The following YAP1 variants were observed in gnomAD, a reference collection of about 807,000 sequenced individuals.
YAP1 encodes the protein transcriptional coactivator YAP1.
A neutral mutation model predicts 56.9 loss-of-function variants in YAP1; 5 were observed. That is an observed-to-expected ratio of 0.09 (90% CI 0.05 to 0.18). YAP1 has a LOEUF of 0.18. Among genes scored for constraint, YAP1 ranks in the 10% least tolerant of loss-of-function variants. YAP1 has a pLI of 1.00. For synonymous variants in YAP1, 265 were observed against 248.1 expected, an observed-to-expected ratio of 1.07 and a Z score of -0.64; for missense variants, 539 against 651.8, an observed-to-expected ratio of 0.83 and a Z score of 1.88.
In YAP1 at chr11:102,162,373, C is replaced by A. The variant is rs1280975259; in HGVS notation, c.573-83C>A. On this transcript the variant is annotated intron_variant, in intron 2 of 8. Coordinates refer to ENST00000282441, the MANE Select transcript of YAP1 (RefSeq NM_001130145.3). The stretch of plus-strand genomic sequence containing the variant: ...TGCTTTTACAGAGCTCGCTTGGCAC[C>A]CTTTGATTATGAGCCCACAAGATAA... 4.2e-6 allele frequency: 5 copies of A among 1,181,976 alleles called. No homozygotes were observed. In the African/African-American group the frequency reaches 4.5e-5, roughly 11 times the overall value. 73.2% of individuals were successfully genotyped at this position (1,181,976 alleles called of 1,614,324 possible). A position where few individuals can be genotyped will look rare whatever the true frequency, so the allele number is the denominator to read the frequency against.
At chr11:102,123,426 A>G (rs1437851384) in intron 2 of YAP1, among the ~76,000 whole-genome samples, 1 of 151,728 alleles carries the variant, frequency 6.6e-6, no homozygotes, top group Admixed American at 6.6e-5. Context: ...TGGGTACCCA[A>G]TTTTTCTCTT....
chr11:102,218,564 C>A (rs552748665), intron 6 of YAP1, among the ~76,000 whole-genome samples: 1 of 152,298 alleles, frequency 6.6e-6, no homozygotes, highest in South Asian at 2.1e-4. Context: ...CCAAATTCTT[C>A]CCTATTTGAT....
intron 2 of YAP1, among the ~76,000 whole-genome samples, chr11:102,138,084 G>A (rs747165775): frequency 3.3e-5 from 5 of 152,016 alleles, no homozygotes; most frequent in Admixed American, 6.6e-5. Flanking sequence ...ACAGGGTTTC[G>A]CCATGTTGGC....
chr11:102,150,554 T>A (rs1481517480), intron 2 of YAP1, among the ~76,000 whole-genome samples: 1 of 152,162 alleles, frequency 6.6e-6, no homozygotes, highest in Non-Finnish European at 1.5e-5. Flanking sequence ...CCCAAATCTT[T>A]TTCTCCCTTT....
chr11:102,224,996 A>T (rs543843441), intron 7 of YAP1, among the ~76,000 whole-genome samples: 1 of 152,110 alleles, frequency 6.6e-6, no homozygotes, highest in Non-Finnish European at 1.5e-5. Context: ...ACAGTCACTT[A>T]TGAAGATTTT....
At chr11:102,175,170 C>T (rs1446145689) in intron 3 of YAP1, among the ~76,000 whole-genome samples, 1 of 152,072 alleles carries the variant, frequency 6.6e-6, no homozygotes, top group Non-Finnish European at 1.5e-5. Flanking sequence ...GAGGCCAAGG[C>T]GGGCAGATCA....
At chr11:102,203,242 G>A (rs1260156576) in intron 4 of YAP1, among the ~76,000 whole-genome samples, 2 of 152,140 alleles carry the variant, frequency 1.3e-5, no homozygotes, top group Admixed American at 6.5e-5. Context: ...TGATGATCCA[G>A]AAACCACAGA....
intron 2 of YAP1, among the ~76,000 whole-genome samples, chr11:102,123,263 T>A (rs954202157): frequency 6.6e-6 from 1 of 152,190 alleles, no homozygotes; most frequent in Non-Finnish European, 1.5e-5. Flanking sequence ...CCGTGATTTT[T>A]TGTTTTTATT....
chr11:102,179,144 A>G (rs1336490897), intron 3 of YAP1, among the ~76,000 whole-genome samples: 1 of 144,222 alleles, frequency 6.9e-6, no homozygotes, highest in Non-Finnish European at 1.5e-5. Flanking sequence ...CATCCAAACC[A>G]TGTCACCCTC....
intron 3 of YAP1, among the ~76,000 whole-genome samples, chr11:102,169,633 A>T (rs1245185530): frequency 6.6e-6 from 1 of 152,216 alleles, no homozygotes; most frequent in African/African-American, 2.4e-5. Flanking sequence ...TTAAAATAAA[A>T]ACACTTATTT....
chr11:102,127,253 A>G (rs1944086565), intron 2 of YAP1, among the ~76,000 whole-genome samples: 1 of 152,178 alleles, frequency 6.6e-6, no homozygotes, highest in African/African-American at 2.4e-5. Flanking sequence ...GCCATGTCAG[A>G]GACTTTCACG....
At chr11:102,186,157 T>C (rs374960197) in intron 4 of YAP1, 26 bp downstream of exon 4, 1 of 1,603,546 alleles carries the variant, frequency 6.2e-7, no homozygotes. Flanking sequence ...AAAACCTTTT[T>C]AGATGCTTTT....
At chr11:102,184,880 T>C (rs1031095607) in intron 3 of YAP1, among the ~76,000 whole-genome samples, 1 of 152,264 alleles carries the variant, frequency 6.6e-6, no homozygotes, top group Non-Finnish European at 1.5e-5. Flanking sequence ...TTCCTGGTAC[T>C]AACTAGCTTT....
chr11:102,154,624 T>A (rs117039842), intron 2 of YAP1, among the ~76,000 whole-genome samples: 1 of 152,268 alleles, frequency 6.6e-6, no homozygotes, highest in Non-Finnish European at 1.5e-5. Context: ...ATCCCACCAC[T>A]CTTTTGCCAC....
chr11:102,112,043 C>T (rs1421342180), intron 1 of YAP1, among the ~76,000 whole-genome samples: 1 of 152,202 alleles, frequency 6.6e-6, no homozygotes, highest in East Asian at 1.9e-4. Flanking sequence ...CTATTATTTA[C>T]AGTCGGCTGA....
chr11:102,138,732 A>G (rs1427898028), intron 2 of YAP1, among the ~76,000 whole-genome samples: 1 of 152,188 alleles, frequency 6.6e-6, no homozygotes, highest in African/African-American at 2.4e-5. Context: ...TTTGCTCTTC[A>G]TTGAATGTTT....
chr11:102,213,295 G>A (rs921012946), intron 6 of YAP1, among the ~76,000 whole-genome samples: 3 of 152,098 alleles, frequency 2.0e-5, no homozygotes, highest in Admixed American at 6.5e-5. Context: ...GACCAGCCTG[G>A]TCAACATGGT....
intron 2 of YAP1, among the ~76,000 whole-genome samples, chr11:102,146,637 T>C (rs1945336903): frequency 6.6e-6 from 1 of 152,226 alleles, no homozygotes; most frequent in South Asian, 2.1e-4. Flanking sequence ...ACTTTACTCA[T>C]TTTTATTCCT....
intron 2 of YAP1, among the ~76,000 whole-genome samples, chr11:102,141,383 T>C (rs1361064779): frequency 2.6e-5 from 4 of 152,242 alleles, no homozygotes; most frequent in Non-Finnish European, 2.9e-5. Flanking sequence ...AGCACCATGC[T>C]CAGAGGTATG....
Sources: allele counts gnomAD v4.1 joint callset (sites outside exome capture counted in the v4.1 genomes callset), GRCh38; gene constraint gnomAD v4.1.1; transcripts MANE v1.5; gene names NCBI Gene and HGNC (gene_info 2026-07-23, HGNC 2026-07-21).